RPGR: variants seen among roughly 807,000 people sequenced by gnomAD.
RPGR encodes the protein X-linked retinitis pigmentosa GTPase regulator.
RPGR carries 10 observed loss-of-function variants against 56.3 expected under a neutral mutation model. The observed-to-expected ratio is 0.18, with a 90% CI of 0.11 to 0.30. RPGR has a LOEUF of 0.30. RPGR is among the 10% of genes least tolerant of loss of function. The pLI, the probability that RPGR is intolerant of heterozygous loss-of-function variation, is 1.00. For synonymous variants in RPGR, 197 were observed against 212.9 expected, an observed-to-expected ratio of 0.93 and a Z score of 0.65; for missense variants, 538 against 590.9, an observed-to-expected ratio of 0.91 and a Z score of 0.93.
At chrX:38,298,425 C>G (rs1276038377) in intron 10 of RPGR, 1 of 320,333 alleles carries the variant, frequency 3.1e-6, no homozygotes, top group East Asian at 9.9e-5. Flanking sequence ...AGTATATAAG[C>G]TCCCACTGCT....
chrX:38,303,824 AAAG>A (rs1207237733), intron 8 of RPGR: 11 of 295,122 alleles, frequency 3.7e-5, no homozygotes, highest in Non-Finnish European at 6.5e-5. Context: ...GCTTTTTCAA[AAAG>A]AAGGAAAAAA....
intron 7 of RPGR, among the ~76,000 whole-genome samples, chrX:38,305,914 G>C (rs1035260796): frequency 9.0e-6 from 1 of 111,612 alleles, no homozygotes; most frequent in East Asian, 2.8e-4. Context: ...ACTAGGAAAT[G>C]CAACTATAAT....
In RPGR at chrX:38,286,932, T is replaced by A. The variant is rs868710724; in HGVS notation, c.1905+162A>T. 18 of 1,204,539 alleles carry A rather than the reference T, an allele frequency of 1.5e-5. No homozygotes were observed. The highest frequency in any genetic ancestry group is 3.5e-5 in the South Asian group (2 of 56,389). The stretch of plus-strand genomic sequence containing the variant: ...CTGCTAGTTCCTTCTCTCCCTCTCC[T>A]GGCCTCTCCATTTCTCCTCTACCCT... On this transcript the variant is annotated intron_variant, in intron 15 of 18. Transcript: ENST00000642395.
At chrX:38,301,637 A>G (rs890653417) in intron 8 of RPGR, among the ~76,000 whole-genome samples, 1 of 111,414 alleles carries the variant, frequency 9.0e-6, no homozygotes, top group Non-Finnish European at 1.9e-5. Context: ...TGTGTGGAGC[A>G]GCAGCAATAC....
chrX:38,269,632 T>A lies in RPGR; in HGVS notation c.2442A>T (p.Ile814=), dbSNP rs779882319. Reference sequence around the variant, plus strand: ...TGAAAACATAAATATATATTTATAGTATTGTACAGGATTTTGATCTTCTCT... The same window carrying A: ...TGAAAACATAAATATATATTTATAGAATTGTACAGGATTTTGATCTTCTCT... The change falls in exon 19 of 19, where the codon ATA becomes ATT. Residue 814 remains isoleucine, a synonymous_variant. Transcript: ENST00000642395. The A allele has an allele frequency of 9.5e-6, 11 of 1,158,292 alleles. No individual in the cohort carries two copies. Among genetic ancestry groups the A allele is most frequent in the Non-Finnish European group, 1.3e-5 (11 of 848,565 alleles).
chrX:38,275,695 A>T (rs913823297), intron 16 of RPGR, among the ~76,000 whole-genome samples: 3 of 112,040 alleles, frequency 2.7e-5, no homozygotes, highest in Admixed American at 1.9e-4. Context: ...ACAAGTACAC[A>T]TTCAAATAAA....
intron 15 of RPGR, among the ~76,000 whole-genome samples, chrX:38,280,743 C>T (rs1397262542): frequency 9.0e-6 from 1 of 110,970 alleles, no homozygotes; most frequent in Non-Finnish European, 1.9e-5. Flanking sequence ...TCATCTTGCC[C>T]AGGCTGGTCT....
intron 2 of RPGR, 44 bp downstream of exon 2, chrX:38,323,355 A>G (rs776671942): frequency 8.9e-7 from 1 of 1,122,517 alleles, no homozygotes; most frequent in Admixed American, 2.3e-5. Flanking sequence ...AATATTTAGA[A>G]TTTTCTAAGT....
chrX:38,289,443 G>A (rs2067246452), intron 13 of RPGR, among the ~76,000 whole-genome samples: 1 of 111,963 alleles, frequency 8.9e-6, no homozygotes, highest in Admixed American at 9.4e-5. Context: ...TTAATTTCCT[G>A]CTGGACAAAA....
chrX:38,305,648 A>G (rs999126466), intron 7 of RPGR, among the ~76,000 whole-genome samples: 9 of 108,600 alleles, frequency 8.3e-5, no homozygotes, highest in Non-Finnish European at 1.7e-4. Flanking sequence ...AGGGAGGCTG[A>G]GGCAGGAGAA....
chrX:38,324,111 T>G (rs1248706908), intron 1 of RPGR, among the ~76,000 whole-genome samples: 1 of 111,401 alleles, frequency 9.0e-6, no homozygotes, highest in Non-Finnish European at 1.9e-5. Context: ...TGAGACAGGG[T>G]CTCACTCTGT....
At chrX:38,279,299 GTA>G (rs2066988498) in intron 15 of RPGR, 1 of 291,593 alleles carries the variant, frequency 3.4e-6, no homozygotes, top group South Asian at 3.3e-5. Flanking sequence ...GAAATGGTCA[GTA>G]TATGTCTGTG....
chrX:38,303,611 A>C (rs114142046), intron 8 of RPGR: 10 of 280,442 alleles, frequency 3.6e-5, no homozygotes, highest in African/African-American at 5.6e-5. Flanking sequence ...TGATGAATGA[A>C]TAATACTTTT....
At chrX:38,292,923 A>C in intron 11 of RPGR, among the ~76,000 whole-genome samples, 1 of 112,008 alleles carries the variant, frequency 8.9e-6, no homozygotes, top group African/African-American at 3.2e-5. Context: ...CAGTAGTCTC[A>C]GCAAATGAGT....
At chrX:38,318,776 A>G in intron 5 of RPGR, 53 bp downstream of exon 5, 1 of 1,179,333 alleles carries the variant, frequency 8.5e-7, no homozygotes, top group Non-Finnish European at 1.2e-6. Flanking sequence ...GTTGGCATAT[A>G]TTGATCTACA....
At chrX:38,277,463 C>T (rs1051966215) in intron 15 of RPGR, among the ~76,000 whole-genome samples, 1 of 109,817 alleles carries the variant, frequency 9.1e-6, no homozygotes, top group Non-Finnish European at 1.9e-5. Flanking sequence ...TTATTCTACA[C>T]TGAGATTTCT....
chrX:38,313,769 G>A (rs758434778), intron 6 of RPGR, among the ~76,000 whole-genome samples: 7 of 111,516 alleles, frequency 6.3e-5, no homozygotes, highest in East Asian at 2.8e-4. Context: ...AAATATATTC[G>A]TACTTGAAAA....
chrX:38,277,136 A>G (rs1259848583), intron 15 of RPGR, among the ~76,000 whole-genome samples: 3 of 112,371 alleles, frequency 2.7e-5, no homozygotes, highest in East Asian at 5.5e-4. Flanking sequence ...TAACATAATC[A>G]TATCTATATA....
rs1410177435 is a variant in RPGR, at chrX:38,300,884, C to T, written c.1059+363G>A. On this transcript the variant is annotated intron_variant, in intron 9 of 18. Transcript: ENST00000642395. ...TTTCTGTTGTGCAGGATTTGAGAGT[C>T]TAACATTTAATTCAGCAAATATTTA... Among the ~76,000 whole-genome samples, 10 of 111,953 alleles carry T rather than the reference C, an allele frequency of 8.9e-5. No individual in the cohort carries two copies. Among genetic ancestry groups the T allele is most frequent in the Non-Finnish European group, 1.3e-4 (7 of 53,252 alleles).
Sources: gnomAD v4.1 joint callset for allele counts (sites outside exome capture counted in the v4.1 genomes callset) on GRCh38, gnomAD v4.1.1 for gene constraint, MANE v1.5 for transcripts, NCBI Gene and HGNC (gene_info 2026-07-23, HGNC 2026-07-21) for gene names.